The following SLX4IP variants were observed in gnomAD, a reference collection of about 807,000 sequenced individuals.
SLX4IP encodes protein SLX4IP.
SLX4IP carries 34 observed loss-of-function variants against 32.9 expected under a neutral mutation model. The observed-to-expected ratio is 1.03, with a 90% confidence interval of 0.79 to 1.38. SLX4IP has a LOEUF of 1.38. SLX4IP is among the 40% of genes most tolerant of loss of function. The pLI is 0.00. For missense variants in SLX4IP, 444 were observed against 479.0 expected (o/e 0.93, Z 0.68); for synonymous variants, 172 against 171.7 (o/e 1.00, Z -0.01).
chr20:10,521,720 A>G, intron 2 of SLX4IP, among the ~76,000 whole-genome samples: 1 of 152,200 alleles, frequency 6.6e-6, no homozygotes, highest in Non-Finnish European at 1.5e-5. Flanking sequence ...AAATATGCCC[A>G]TGGAGGCCCC....
chr20:10,516,428 A>G (rs905876624), intron 2 of SLX4IP, among the ~76,000 whole-genome samples: 2 of 152,180 alleles, frequency 1.3e-5, no homozygotes, highest in Non-Finnish European at 2.9e-5. Flanking sequence ...GTATGATTCT[A>G]AGGTAATGAG....
At chr20:10,454,855 C>CT (rs1436645750) in intron 1 of SLX4IP, among the ~76,000 whole-genome samples, 1 of 152,158 alleles carries the variant, frequency 6.6e-6, no homozygotes, top group Non-Finnish European at 1.5e-5. Flanking sequence ...TTTTACATGC[C>CT]TACCATCAAT....
At chr20:10,509,342 G>A (rs2065785989) in intron 2 of SLX4IP, among the ~76,000 whole-genome samples, 1 of 152,146 alleles carries the variant, frequency 6.6e-6, no homozygotes, top group Admixed American at 6.5e-5. Context: ...GCCCTGAATG[G>A]AAAATGACTG....
chr20:10,530,433 T>A (rs904232018), intron 2 of SLX4IP, among the ~76,000 whole-genome samples: 2 of 152,206 alleles, frequency 1.3e-5, no homozygotes, highest in African/African-American at 4.8e-5. Flanking sequence ...TAACCTTTGA[T>A]GAAGTTAAGA....
intron 6 of SLX4IP, among the ~76,000 whole-genome samples, chr20:10,603,083 A>G (rs2066862137): frequency 6.6e-6 from 1 of 152,252 alleles, no homozygotes; most frequent in African/African-American, 2.4e-5. Context: ...ATAAATACTA[A>G]AGTGGCAATG....
intron 2 of SLX4IP, among the ~76,000 whole-genome samples, chr20:10,507,747 A>G (rs1428285799): frequency 1.3e-5 from 2 of 152,038 alleles, no homozygotes; most frequent in African/African-American, 2.4e-5. Context: ...GAAAATGCAA[A>G]GAAAAAAGAA....
At chr20:10,590,809 A>AG in intron 4 of SLX4IP, among the ~76,000 whole-genome samples, 1 of 152,342 alleles carries the variant, frequency 6.6e-6, no homozygotes, top group Non-Finnish European at 1.5e-5. Flanking sequence ...AGCATTTGGT[A>AG]GTGGCCAGCT....
chr20:10,590,424 G>A (rs1332466355), intron 4 of SLX4IP, among the ~76,000 whole-genome samples: 1 of 151,816 alleles, frequency 6.6e-6, no homozygotes, highest in East Asian at 1.9e-4. Flanking sequence ...GCAGTGGCGC[G>A]ATCTCGGCTC....
At chr20:10,473,606 CTTTT>C (rs33939350) in intron 2 of SLX4IP, among the ~76,000 whole-genome samples, 1 of 135,994 alleles carries the variant, frequency 7.4e-6, no homozygotes, top group Non-Finnish European at 1.6e-5. Context: ...AGTTCTGTTT[CTTTT>C]TTTTTTTTTT....
chr20:10,602,300 C>CTCTCTCTCTG (rs1555822039), intron 6 of SLX4IP, among the ~76,000 whole-genome samples: 4 of 151,874 alleles, frequency 2.6e-5, no homozygotes, highest in African/African-American at 7.3e-5. Context: ...CTCTCTCTCT[C>CTCTCTCTCTG]TCTCTCTGTC....
chr20:10,438,096 G>C (rs529469519), intron 1 of SLX4IP, among the ~76,000 whole-genome samples: 3 of 152,088 alleles, frequency 2.0e-5, no homozygotes, highest in African/African-American at 7.2e-5. Flanking sequence ...GGGCTTTAAG[G>C]TTTTGTTTAT....
At chr20:10,586,528 T>C (rs552862341) in intron 4 of SLX4IP, among the ~76,000 whole-genome samples, 1 of 152,304 alleles carries the variant, frequency 6.6e-6, no homozygotes, top group East Asian at 1.9e-4. Context: ...TGCTTATTTA[T>C]GTAAGGGTTC....
intron 2 of SLX4IP, among the ~76,000 whole-genome samples, chr20:10,534,646 C>T (rs1002444344): frequency 2.0e-5 from 3 of 152,098 alleles, no homozygotes; most frequent in African/African-American, 4.8e-5. Context: ...CAGCTCCTGG[C>T]GCAGGGCTGG....
At chr20:10,558,191 T>G (rs959333806) in intron 3 of SLX4IP, among the ~76,000 whole-genome samples, 2 of 151,936 alleles carry the variant, frequency 1.3e-5, no homozygotes, top group Admixed American at 1.3e-4. Context: ...AGTATAAAAA[T>G]TAGCCAGATG....
At chr20:10,435,540 T>C (rs1473785694) in intron 1 of SLX4IP, 87 bp downstream of exon 1, 1 of 152,274 alleles carries the variant, frequency 6.6e-6, no homozygotes. Context: ...GTTTTTGGCT[T>C]TGATTTTTTG....
chr20:10,511,798 C>T (rs1224148134), intron 2 of SLX4IP, among the ~76,000 whole-genome samples: 2 of 152,312 alleles, frequency 1.3e-5, no homozygotes, highest in East Asian at 3.9e-4. Context: ...GTGGAGACCA[C>T]AGTGGTTTTC....
intron 1 of SLX4IP, among the ~76,000 whole-genome samples, chr20:10,443,148 T>A (rs978596476): frequency 2.0e-5 from 3 of 152,150 alleles, no homozygotes; most frequent in African/African-American, 7.2e-5. Flanking sequence ...TGACCTCTTT[T>A]TTGGAAGGCT....
At chr20:10,604,454 G>A (rs1242442252) in intron 6 of SLX4IP, among the ~76,000 whole-genome samples, 4 of 151,810 alleles carry the variant, frequency 2.6e-5, no homozygotes, top group African/African-American at 9.7e-5. Flanking sequence ...ATCTGGGAGC[G>A]TCTATTCAAA....
chr20:10,539,987 G>GC (rs1339411684), intron 2 of SLX4IP, among the ~76,000 whole-genome samples: 3 of 152,164 alleles, frequency 2.0e-5, no homozygotes, highest in African/African-American at 7.2e-5. Flanking sequence ...TGTTAGTAAC[G>GC]CACATTCTCA....
Sources: gnomAD v4.1 joint callset for allele counts (sites outside exome capture counted in the v4.1 genomes callset) on GRCh38, gnomAD v4.1.1 for gene constraint, MANE v1.5 for transcripts, NCBI Gene and HGNC (gene_info 2026-07-23, HGNC 2026-07-21) for gene names.